The following DYNC2LI1 variants were observed in gnomAD, a reference collection of about 807,000 sequenced individuals.
DYNC2LI1 encodes the protein dynein cytoplasmic 2 light intermediate chain 1.
A neutral mutation model predicts 51.9 loss-of-function variants in DYNC2LI1; 45 were observed. That is an observed-to-expected ratio of 0.87 (90% CI 0.68 to 1.11). The LOEUF is 1.11. Among genes scored for constraint, DYNC2LI1 ranks in the 50% most tolerant of loss-of-function variants. The pLI is 0.00. For missense variants in DYNC2LI1, 490 were observed against 417.4 expected (o/e 1.17, Z -1.51); for synonymous variants, 130 against 137.8 (o/e 0.94, Z 0.40).
At chr2:43,794,868 T>C (rs1226619273) in intron 6 of DYNC2LI1, 1 of 1,428,248 alleles carries the variant, frequency 7.0e-7, no homozygotes, top group Non-Finnish European at 9.1e-7. Context: ...GTGATTGTTA[T>C]GGCATATTAC....
At chr2:43,799,396 CTTAAAATTATTATA>C (rs982331977) in intron 8 of DYNC2LI1, among the ~76,000 whole-genome samples, 7 of 152,074 alleles carry the variant, frequency 4.6e-5, no homozygotes, top group African/African-American at 1.7e-4. Flanking sequence ...ATGGCAGGGA[CTTAAAATTATTATA>C]TATGAGGACC....
At chr2:43,795,980 T>A in intron 7 of DYNC2LI1, 22 bp downstream of exon 7, 1 of 1,578,442 alleles carries the variant, frequency 6.3e-7, no homozygotes, top group South Asian at 1.1e-5. Flanking sequence ...CGCTTCTAGC[T>A]GAGTTTGTTG....
the DYNC2LI1 span, among the ~76,000 whole-genome samples, chr2:43,827,347 CAAG>C: frequency 4.1e-5 from 6 of 147,246 alleles, no homozygotes; most frequent in African/African-American, 1.5e-4. Flanking sequence ...AAAAAAGTGA[CAAG>C]AGCTGTTAAA....
At position 43,794,870 on chromosome 2, in the gene DYNC2LI1, G is replaced by T. The variant is rs115582561; in HGVS notation, c.507+227G>T. ...TTAGACATCTTCTGTGATTGTTATG[G>T]CATATTACACCAATCAGAGAAATAG... On this transcript the variant is annotated intron_variant, in intron 6 of 12. Coordinates refer to ENST00000260605, the MANE Select transcript of DYNC2LI1 (RefSeq NM_016008.4). 1,134 of 1,422,598 alleles carry T rather than the reference G, an allele frequency of 8.0e-4. 8 individuals are homozygous for T. The African/African-American group carries it at 0.014, about 18-fold the overall frequency. The allele number at this position is 1,422,598 out of a possible 1,614,324, so 88.1% of individuals were successfully genotyped here.
At chr2:43,777,204 A>G (rs1053115163) in intron 2 of DYNC2LI1, among the ~76,000 whole-genome samples, 1 of 152,214 alleles carries the variant, frequency 6.6e-6, no homozygotes, top group African/African-American at 2.4e-5. Flanking sequence ...TCAGTAAGTC[A>G]GTATCTTAAC....
chr2:43,822,550 G>C, the DYNC2LI1 span: 1 of 983,916 alleles, frequency 1.0e-6, no homozygotes, highest in South Asian at 4.7e-5. Context: ...TGCCGTGAAT[G>C]TGGGACAGGT....
Position 43,804,687 on chromosome 2 carries a change from A to G in DYNC2LI1, c.848A>G (p.His283Arg). The change falls in exon 11 of 13, where the codon CAC becomes CGC. Residue 283 changes from histidine to arginine, a missense_variant. Transcript: ENST00000260605. ...PENDIGKLHA[H>R]SPMELWKKVY... ...AATGACATTGGAAAGCTTCATGCCC[A>G]CTCACCTATGGAGTTGTGGAAAAAA... is the stretch of plus-strand genomic sequence containing the variant. The G allele has an allele frequency of 1.2e-6, 2 of 1,608,976 alleles. No homozygotes were observed. Among genetic ancestry groups the G allele is most frequent in the Non-Finnish European group, 1.7e-6 (2 of 1,178,224 alleles).
intron 2 of DYNC2LI1, among the ~76,000 whole-genome samples, chr2:43,783,112 T>A (rs1361053180): frequency 6.6e-6 from 1 of 152,222 alleles, no homozygotes; most frequent in Non-Finnish European, 1.5e-5. Context: ...TGTCCTTTAT[T>A]TGTATGTTAC....
chr2:43,815,954 T>A, the DYNC2LI1 span, among the ~76,000 whole-genome samples: 1 of 145,482 alleles, frequency 6.9e-6, no homozygotes, highest in African/African-American at 2.6e-5. Context: ...AAAGTTCAAC[T>A]ATGAGATGAC....
At chr2:43,778,141 A>G (rs948018143) in intron 2 of DYNC2LI1, among the ~76,000 whole-genome samples, 1 of 152,180 alleles carries the variant, frequency 6.6e-6, no homozygotes, top group Admixed American at 6.5e-5. Flanking sequence ...TAACCCAACT[A>G]TATAAGTATA....
At chr2:43,808,986 C>CAT (rs1666378340) in intron 12 of DYNC2LI1, among the ~76,000 whole-genome samples, 1 of 151,884 alleles carries the variant, frequency 6.6e-6, no homozygotes, top group African/African-American at 2.4e-5. Flanking sequence ...CACACACACA[C>CAT]ACACACACAC....
the DYNC2LI1 span, chr2:43,824,617 T>A: frequency 2.0e-6 from 2 of 985,318 alleles, no homozygotes; most frequent in East Asian, 2.3e-4. Flanking sequence ...AGGATCCCAT[T>A]GGGATTGTCT....
intron 8 of DYNC2LI1, among the ~76,000 whole-genome samples, chr2:43,800,272 C>T (rs577878966): frequency 6.6e-6 from 1 of 152,238 alleles, no homozygotes; most frequent in South Asian, 2.1e-4. Flanking sequence ...TAGTTATATA[C>T]CAGCACTGAA....
At chr2:43,793,742 C>G (rs1202387944) in intron 5 of DYNC2LI1, 1 of 152,086 alleles carries the variant, frequency 6.6e-6, no homozygotes, top group African/African-American at 2.4e-5. Context: ...TCCCTGGCCT[C>G]TTTGCCCATT....
At chr2:43,826,465 T>C in the DYNC2LI1 span, 1 of 1,614,044 alleles carries the variant, frequency 6.2e-7, no homozygotes. Context: ...AGGACGACAA[T>C]CTGATTAGCA....
chr2:43,797,152 G>T (rs1665894216), intron 8 of DYNC2LI1, among the ~76,000 whole-genome samples: 1 of 152,188 alleles, frequency 6.6e-6, no homozygotes, highest in Admixed American at 6.5e-5. Flanking sequence ...ATCAGTGTGT[G>T]TATTGGGGAT....
chr2:43,806,797 G>C (rs558787635), intron 12 of DYNC2LI1, among the ~76,000 whole-genome samples: 9 of 152,180 alleles, frequency 5.9e-5, no homozygotes, highest in African/African-American at 2.2e-4. Context: ...ATTTTGTGTG[G>C]AAAAGGAAGG....
In DYNC2LI1 at chr2:43,796,761, G is replaced by A. The variant is rs754242258; in HGVS notation, c.620G>A (p.Arg207Gln). 2.0e-5 allele frequency: 32 copies of A among 1,613,592 alleles called. No individual in the cohort carries two copies. Among genetic ancestry groups the A allele is most frequent in the East Asian group, 4.5e-5 (2 of 44,870 alleles). The change falls in exon 8 of 13, where the codon CGA becomes CAA. Residue 207 changes from arginine to glutamine, a missense_variant. Coordinates refer to ENST00000260605, the MANE Select transcript of DYNC2LI1 (RefSeq NM_016008.4). Reference sequence around the variant, plus strand: ...AGAAAGGTAATATGCAAGACACTTCGATTTGTTGCACATTATTATGGAGCA... The same window carrying A: ...AGAAAGGTAATATGCAAGACACTTCAATTTGTTGCACATTATTATGGAGCA... ...EKRKVICKTL[R>Q]FVAHYYGASL...
the DYNC2LI1 span, among the ~76,000 whole-genome samples, chr2:43,816,686 G>C: frequency 6.6e-6 from 1 of 152,116 alleles, no homozygotes; most frequent in Non-Finnish European, 1.5e-5. Flanking sequence ...TGAAATTACA[G>C]GCACGTGACA....
Sources: gnomAD v4.1 joint callset for allele counts (sites outside exome capture counted in the v4.1 genomes callset) on GRCh38, gnomAD v4.1.1 for gene constraint, MANE v1.5 for transcripts, NCBI Gene and HGNC (gene_info 2026-07-23, HGNC 2026-07-21) for gene names.